The following PPP3CA variants were observed in gnomAD, a reference collection of about 807,000 sequenced individuals.
PPP3CA encodes CAM-PRP catalytic subunit.
In PPP3CA, 14 loss-of-function variants were observed where a neutral mutation model predicts 66.5. That is an observed-to-expected ratio of 0.21 (90% CI 0.14 to 0.33). PPP3CA has a LOEUF of 0.33. Ranked by LOEUF, PPP3CA falls within the 10% of genes least tolerant of loss-of-function variation. PPP3CA has a pLI of 1.00. For missense variants in PPP3CA, 317 were observed against 639.5 expected (o/e 0.50, Z 5.44); for synonymous variants, 232 against 226.2 (o/e 1.03, Z -0.23).
At chr4:101,083,290 G>A in intron 6 of PPP3CA, 27 bp from the exon 7 acceptor site, 2 of 1,578,012 alleles carry the variant, frequency 1.3e-6, no homozygotes, top group Non-Finnish European at 8.7e-7. Flanking sequence ...GAAAAGGGAA[G>A]CATCTGTTAG....
chr4:101,104,276 C>T (rs916913521), intron 3 of PPP3CA, among the ~76,000 whole-genome samples: 4 of 152,110 alleles, frequency 2.6e-5, no homozygotes, highest in Non-Finnish European at 4.4e-5. Flanking sequence ...GGATAATACA[C>T]GCTGGAAAAC....
intron 1 of PPP3CA, among the ~76,000 whole-genome samples, chr4:101,333,270 G>GTTTTTTTTTTTTTTTTTTTT (rs70961788): frequency 4.2e-5 from 2 of 47,270 alleles, no homozygotes; most frequent in Admixed American, 2.0e-4. Context: ...ACCATGCCCA[G>GTTTTTTTTTTTTTTTTTTTT]TTTTTTTTTT....
chr4:101,189,436 C>A (rs1038223364), intron 2 of PPP3CA, among the ~76,000 whole-genome samples: 2 of 151,902 alleles, frequency 1.3e-5, no homozygotes, highest in Non-Finnish European at 2.9e-5. Flanking sequence ...ATGGTTACTT[C>A]CAGATTTAAT....
intron 6 of PPP3CA, among the ~76,000 whole-genome samples, chr4:101,086,647 G>C (rs1216674997): frequency 1.3e-5 from 2 of 152,058 alleles, no homozygotes; most frequent in Non-Finnish European, 2.9e-5. Context: ...GTTATCACCT[G>C]TGAAGCATTC....
intron 8 of PPP3CA, among the ~76,000 whole-genome samples, chr4:101,064,785 C>A (rs1260836996): frequency 6.6e-6 from 1 of 152,056 alleles, no homozygotes; most frequent in East Asian, 1.9e-4. Context: ...GTAATATAAT[C>A]ATCTAGGTTG....
At position 101,248,771 on chromosome 4, in the gene PPP3CA, C is replaced by G. The variant is rs116311559; in HGVS notation, c.59-52655G>C. 6.8e-3 allele frequency among the ~76,000 whole-genome samples: 1,033 copies of G among 152,278 alleles called. 15 individuals are homozygous for G. Among genetic ancestry groups the G allele is most frequent in the African/African-American group, 0.023 (976 of 41,548 alleles). ...GTAATTAATGAAATTCAATTTATTT[C>G]TTCTGTCATTAGTAGCTACTCTGAA... On this transcript the variant is annotated intron_variant, in intron 1 of 13. Transcript: ENST00000394854.
intron 1 of PPP3CA, among the ~76,000 whole-genome samples, chr4:101,247,898 T>TAC (rs757517804): frequency 9.9e-5 from 15 of 151,834 alleles, no homozygotes; most frequent in East Asian, 3.9e-4. Context: ...TATATATATA[T>TAC]ACACACACAC....
Position 101,042,807 on chromosome 4 carries a change from T to C in PPP3CA, c.1157-2241A>G, listed in dbSNP as rs558612735. Among the ~76,000 whole-genome samples, 212 of 133,060 alleles carry C rather than the reference T, an allele frequency of 1.6e-3. 1 individual carries two copies. The highest frequency in any genetic ancestry group is 2.5e-3 in the Non-Finnish European group (172 of 67,592). 87.3% of individuals were successfully genotyped at this position (133,060 alleles called of 152,430 possible). On this transcript the variant is annotated intron_variant, in intron 10 of 13. Coordinates refer to ENST00000394854, the MANE Select transcript of PPP3CA (RefSeq NM_000944.5). ...GAGACCATGAAAAGACTTTTTCTTTTTTTTTTTTTTTTTTTAAAGTGGGAT... is the reference window on the plus strand; with the variant it reads ...GAGACCATGAAAAGACTTTTTCTTTCTTTTTTTTTTTTTTTAAAGTGGGAT...
chr4:101,057,513 G>A (rs1728276524), intron 10 of PPP3CA, among the ~76,000 whole-genome samples: 1 of 152,098 alleles, frequency 6.6e-6, no homozygotes, highest in Admixed American at 6.6e-5. Context: ...TTCGGACTCC[G>A]ATCTCTAAAG....
chr4:101,107,193 C>G (rs118171968), intron 3 of PPP3CA, among the ~76,000 whole-genome samples: 98 of 152,340 alleles, frequency 6.4e-4, no homozygotes, highest in African/African-American at 2.3e-3. Context: ...CTTCCCAAAA[C>G]ATGTGTGCTC....
At chr4:101,318,784 T>C (rs887789317) in intron 1 of PPP3CA, among the ~76,000 whole-genome samples, 2 of 152,300 alleles carry the variant, frequency 1.3e-5, no homozygotes, top group East Asian at 1.9e-4. Context: ...GTCAGCATTC[T>C]GTTTTCAATA....
At chr4:101,278,621 G>C (rs1337619176) in intron 1 of PPP3CA, among the ~76,000 whole-genome samples, 1 of 152,206 alleles carries the variant, frequency 6.6e-6, no homozygotes, top group Non-Finnish European at 1.5e-5. Flanking sequence ...GGCCAACCAG[G>C]CCTACCCATA....
chr4:101,279,341 C>T (rs564780432), intron 1 of PPP3CA, among the ~76,000 whole-genome samples: 46 of 152,208 alleles, frequency 3.0e-4, no homozygotes, highest in African/African-American at 8.9e-4. Flanking sequence ...TAAGGAATGA[C>T]ATTTAGAAAG....
chr4:101,106,381 G>GA (rs755831092), intron 3 of PPP3CA, among the ~76,000 whole-genome samples: 66 of 2,964 alleles, frequency 0.022, 1 homozygote, highest in African/African-American at 0.054. Context: ...AGAAAAGAAA[G>GA]AAAGAAAGAA....
intron 2 of PPP3CA, 86 bp from the exon 3 acceptor site, chr4:101,109,164 T>C: frequency 7.3e-7 from 1 of 1,360,596 alleles, no homozygotes; most frequent in Non-Finnish European, 1.0e-6. Flanking sequence ...AGAACCAGAA[T>C]TAATTTCAAG....
intron 1 of PPP3CA, among the ~76,000 whole-genome samples, chr4:101,254,850 CTTGA>C (rs1726788370): frequency 6.6e-6 from 1 of 151,784 alleles, no homozygotes; most frequent in Admixed American, 6.6e-5. Context: ...ATGACCTTAG[CTTGA>C]TTCTCTCCCT....
chr4:101,063,184 C>A, intron 9 of PPP3CA, 48 bp downstream of exon 9: 1 of 1,583,980 alleles, frequency 6.3e-7, no homozygotes, highest in Non-Finnish European at 8.6e-7. Flanking sequence ...TCCTTTCCTT[C>A]CTTCCTAAAC....
intron 8 of PPP3CA, among the ~76,000 whole-genome samples, chr4:101,070,502 C>G (rs961379010): frequency 3.9e-5 from 6 of 152,050 alleles, no homozygotes; most frequent in Non-Finnish European, 5.9e-5. Context: ...TGAACTTGGG[C>G]AAATATTTCT....
chr4:101,300,649 T>C (rs971126979), intron 1 of PPP3CA, among the ~76,000 whole-genome samples: 11 of 151,606 alleles, frequency 7.3e-5, no homozygotes, highest in African/African-American at 2.7e-4. Flanking sequence ...TAGAAAAAAA[T>C]AGCTAGGCAT....
Sources: allele counts gnomAD v4.1 joint callset (sites outside exome capture counted in the v4.1 genomes callset), GRCh38; gene constraint gnomAD v4.1.1; transcripts MANE v1.5; gene names NCBI Gene and HGNC (gene_info 2026-07-23, HGNC 2026-07-21).